Variants in DOCK1 observed in about 807,000 individuals in gnomAD.
DOCK1 encodes the protein dedicator of cytokinesis 1.
Under a neutral mutation model 262.7 loss-of-function variants are expected in DOCK1, and 138 were observed. The ratio of observed to expected loss-of-function variants is 0.53; its 90% CI spans 0.46 to 0.61. The LOEUF is 0.61. Ranked by LOEUF, DOCK1 falls within the 20% of genes least tolerant of loss-of-function variation. The probability of loss-of-function intolerance (pLI) is 0.00; values close to 1 mark genes in which losing one functional copy is unlikely to be tolerated. For missense variants in DOCK1, 1,908 were observed against 2,370.7 expected, an observed-to-expected ratio of 0.80 and a Z score of 4.05; for synonymous variants, 866 against 867.4, an observed-to-expected ratio of 1.00 and a Z score of 0.03.
At chr10:127,133,847 C>G (rs1381997779) in intron 27 of DOCK1, among the ~76,000 whole-genome samples, 1 of 152,214 alleles carries the variant, frequency 6.6e-6, no homozygotes, top group African/African-American at 2.4e-5. Context: ...CTTTGTACCA[C>G]AGAGTTGTTT....
At chr10:127,228,544 C>T (rs1211643284) in intron 27 of DOCK1, among the ~76,000 whole-genome samples, 1 of 152,172 alleles carries the variant, frequency 6.6e-6, no homozygotes, top group Non-Finnish European at 1.5e-5. Context: ...GTGGCTTGGT[C>T]GTAGCCTTTG....
At chr10:127,234,483 A>G (rs115037920) in intron 27 of DOCK1, among the ~76,000 whole-genome samples, 3 of 152,192 alleles carry the variant, frequency 2.0e-5, no homozygotes, top group Admixed American at 6.5e-5. Context: ...GATGAAAACC[A>G]CAAAACATTC....
chr10:127,385,689 T>G (rs963022881), intron 38 of DOCK1, among the ~76,000 whole-genome samples: 5 of 152,224 alleles, frequency 3.3e-5, no homozygotes, highest in African/African-American at 1.2e-4. Flanking sequence ...GCTGCAAGCC[T>G]GATGTCACAG....
intron 28 of DOCK1, among the ~76,000 whole-genome samples, chr10:127,254,469 T>C (rs1190908159): frequency 6.6e-6 from 1 of 152,236 alleles, no homozygotes; most frequent in Non-Finnish European, 1.5e-5. Flanking sequence ...CTTCCTGCTG[T>C]GTTACTTCAG....
rs115442981 is a variant in DOCK1, at chr10:127,247,503, T to A, written c.2848-505T>A. Among the ~76,000 whole-genome samples the A allele has an allele frequency of 2.8e-3, 424 of 152,308 alleles. 2 individuals carry two copies. Among genetic ancestry groups the A allele is most frequent in the African/African-American group, 0.01 (419 of 41,568 alleles). On this transcript the variant is annotated intron_variant, in intron 27 of 51. Transcript: ENST00000623213. The stretch of plus-strand genomic sequence containing the variant: ...GAGGCTGCACACACATTTTGCCGGA[T>A]AATAAGGGCAGCAAGTTTCCAAGAG...
At chr10:127,031,369 A>T (rs1354711554) in intron 16 of DOCK1, among the ~76,000 whole-genome samples, 2 of 152,124 alleles carry the variant, frequency 1.3e-5, no homozygotes, top group Non-Finnish European at 2.9e-5. Context: ...TTTATCCTGG[A>T]ATCCGTTTTC....
chr10:127,109,886 G>A (rs1350956473), intron 24 of DOCK1, among the ~76,000 whole-genome samples: 1 of 152,050 alleles, frequency 6.6e-6, no homozygotes, highest in Non-Finnish European at 1.5e-5. Flanking sequence ...TATATGCCTG[G>A]AAGTGGATGG....
intron 1 of DOCK1, among the ~76,000 whole-genome samples, chr10:126,948,585 G>A (rs1025671407): frequency 0.24 from 35,697 of 151,706 alleles, 4,402 homozygotes; most frequent in African/African-American, 0.28. Flanking sequence ...CCTGAAACAG[G>A]GCCCTCAAAA....
chr10:127,377,481 T>G (rs934438925), intron 35 of DOCK1, among the ~76,000 whole-genome samples: 4 of 152,208 alleles, frequency 2.6e-5, no homozygotes, highest in African/African-American at 9.6e-5. Context: ...AATTTACCAA[T>G]GCTCTGTAAG....
chr10:126,949,071 T>A (rs1378993026), intron 1 of DOCK1, among the ~76,000 whole-genome samples: 4 of 152,138 alleles, frequency 2.6e-5, no homozygotes, highest in African/African-American at 9.6e-5. Flanking sequence ...CTCCCCTTTC[T>A]GGGAGTGGTG....
intron 27 of DOCK1, among the ~76,000 whole-genome samples, chr10:127,230,581 G>A (rs2058803407): frequency 6.6e-6 from 1 of 150,882 alleles, no homozygotes; most frequent in Non-Finnish European, 1.5e-5. Flanking sequence ...GTAAGTGTGT[G>A]GATTTATTTC....
At chr10:127,418,314 G>A (rs2068281793) in intron 44 of DOCK1, 51 bp from the exon 45 acceptor site, 2 of 1,528,728 alleles carry the variant, frequency 1.3e-6, no homozygotes, top group African/African-American at 1.4e-5. Context: ...TGAGACCCTG[G>A]GAGTGGAGGC....
intron 31 of DOCK1, among the ~76,000 whole-genome samples, chr10:127,348,713 A>G (rs2063753608): frequency 6.6e-6 from 1 of 152,132 alleles, no homozygotes; most frequent in African/African-American, 2.4e-5. Context: ...TAGGTTTCAC[A>G]ATGGGACCAA....
At chr10:126,942,281 C>A (rs1164405784) in intron 1 of DOCK1, among the ~76,000 whole-genome samples, 2 of 152,186 alleles carry the variant, frequency 1.3e-5, no homozygotes, top group East Asian at 3.9e-4. Context: ...CCTCGGCCTC[C>A]CGAAGTGCTG....
In DOCK1 at chr10:127,413,859, A is replaced by G. The variant is rs1008952950; in HGVS notation, c.4429-1293A>G. Among the ~76,000 whole-genome samples the G allele has an allele frequency of 1.2e-4, 19 of 152,140 alleles. No individual in the cohort carries two copies. In the Middle Eastern group the frequency reaches 0.01, roughly 82 times the overall value. The stretch of plus-strand genomic sequence containing the variant: ...CAGCCAGCTCCTTCCCTTTCCTCCT[A>G]TGGAACGTAAGAAGTTTGGGATAAA... On this transcript the variant is annotated intron_variant, in intron 43 of 51. Transcript: ENST00000623213.
At chr10:127,231,832 G>T (rs1030674773) in intron 27 of DOCK1, among the ~76,000 whole-genome samples, 2 of 152,008 alleles carry the variant, frequency 1.3e-5, no homozygotes, top group African/African-American at 4.8e-5. Flanking sequence ...GAGTGCATTC[G>T]CTCAGACATC....
intron 23 of DOCK1, among the ~76,000 whole-genome samples, chr10:127,083,290 G>A (rs138000921): frequency 6.6e-6 from 1 of 152,278 alleles, no homozygotes; most frequent in Non-Finnish European, 1.5e-5. Context: ...GGCATTTGAG[G>A]AGATGTAAAA....
chr10:127,173,605 A>T (rs2054787206), intron 27 of DOCK1, among the ~76,000 whole-genome samples: 1 of 152,150 alleles, frequency 6.6e-6, no homozygotes, highest in African/African-American at 2.4e-5. Context: ...TTCACCAAAG[A>T]TGTTGGCATC....
chr10:127,246,033 T>C (rs1471208995), intron 27 of DOCK1, among the ~76,000 whole-genome samples: 1 of 152,148 alleles, frequency 6.6e-6, no homozygotes, highest in Non-Finnish European at 1.5e-5. Context: ...CAGGGTCAAT[T>C]GTGGGCAGAG....
Sources: allele counts gnomAD v4.1 joint callset (sites outside exome capture counted in the v4.1 genomes callset), GRCh38; gene constraint gnomAD v4.1.1; transcripts MANE v1.5; gene names NCBI Gene and HGNC (gene_info 2026-07-23, HGNC 2026-07-21).